NOS1AP: variants seen among roughly 807,000 people sequenced by gnomAD.
The protein encoded by NOS1AP is nitric oxide synthase 1 adaptor protein.
Under a neutral mutation model 56.2 loss-of-function variants are expected in NOS1AP, and 21 were observed. The observed-to-expected ratio is 0.37, with a 90% confidence interval of 0.26 to 0.54. The LOEUF (loss-of-function observed/expected upper bound fraction) is 0.54, where lower values mean the gene tolerates loss of function less well. NOS1AP is among the 20% of genes least tolerant of loss of function. The pLI, the probability that NOS1AP is intolerant of heterozygous loss-of-function variation, is 0.84. For missense variants in NOS1AP, 522 were observed against 657.8 expected (o/e 0.79, Z 2.26); for synonymous variants, 270 against 274.6 (o/e 0.98, Z 0.17).
At position 162,116,994 on chromosome 1, in the gene NOS1AP, A is replaced by C. The variant is rs1647986521; in HGVS notation, c.106-37411A>C. ...GAGACAGCCTTTGTTCCATTGTCCG[A>C]ATCAAAATCAAATTCATTTCATTTC... On this transcript the variant is annotated intron_variant, in intron 1 of 9. Transcript: ENST00000361897. Among the ~76,000 whole-genome samples the C allele has an allele frequency of 2.6e-5, 4 of 152,212 alleles. No homozygotes were observed. The South Asian group carries it at 8.3e-4, about 32-fold the overall frequency.
chr1:162,312,410 G>A (rs1196099216), intron 4 of NOS1AP, among the ~76,000 whole-genome samples: 3 of 127,296 alleles, frequency 2.4e-5, no homozygotes, highest in Admixed American at 8.2e-5. Flanking sequence ...CATGTCCTTC[G>A]CCCACTTTTT....
intron 2 of NOS1AP, among the ~76,000 whole-genome samples, chr1:162,216,115 GTCA>G (rs1296079150): frequency 6.6e-6 from 1 of 152,116 alleles, no homozygotes; most frequent in Non-Finnish European, 1.5e-5. Context: ...TCTCCTCCCT[GTCA>G]TCAGTCTTCT....
At chr1:162,223,721 G>C (rs558652318) in intron 2 of NOS1AP, among the ~76,000 whole-genome samples, 4 of 152,138 alleles carry the variant, frequency 2.6e-5, no homozygotes, top group African/African-American at 4.8e-5. Context: ...TGTAGGTAGA[G>C]GATATAGGAA....
chr1:162,100,975 A>G (rs1647237736), intron 1 of NOS1AP, among the ~76,000 whole-genome samples: 1 of 152,064 alleles, frequency 6.6e-6, no homozygotes, highest in Non-Finnish European at 1.5e-5. Context: ...CTTCTGTTGC[A>G]ATTGCTTTTG....
At chr1:162,162,870 ATGT>A (rs1191312910) in intron 2 of NOS1AP, among the ~76,000 whole-genome samples, 2 of 152,216 alleles carry the variant, frequency 1.3e-5, no homozygotes, top group Non-Finnish European at 2.9e-5. Flanking sequence ...TATATTCTTA[ATGT>A]TGTATAATCA....
At chr1:162,201,062 C>G (rs1160914075) in intron 2 of NOS1AP, among the ~76,000 whole-genome samples, 1 of 152,214 alleles carries the variant, frequency 6.6e-6, no homozygotes, top group Non-Finnish European at 1.5e-5. Context: ...TCCTCCCACT[C>G]TCTGCCCTCT....
chr1:162,347,002 GAGAT>G (rs1657316777), intron 6 of NOS1AP, among the ~76,000 whole-genome samples: 1 of 152,160 alleles, frequency 6.6e-6, no homozygotes, highest in Non-Finnish European at 1.5e-5. Context: ...ATAAAACAGA[GAGAT>G]AGATAGACTT....
intron 1 of NOS1AP, among the ~76,000 whole-genome samples, chr1:162,126,256 G>A (rs1648483440): frequency 6.6e-6 from 1 of 152,084 alleles, no homozygotes; most frequent in Non-Finnish European, 1.5e-5. Context: ...TTTCCAATTT[G>A]GGTGCCCTTT....
At chr1:162,351,457 G>A (rs1443574789) in intron 6 of NOS1AP, among the ~76,000 whole-genome samples, 1 of 152,086 alleles carries the variant, frequency 6.6e-6, no homozygotes, top group Non-Finnish European at 1.5e-5. Context: ...TGATCCCCAA[G>A]CTCAGCCAGG....
At chr1:162,290,240 A>T (rs1655245042) in intron 3 of NOS1AP, among the ~76,000 whole-genome samples, 1 of 152,194 alleles carries the variant, frequency 6.6e-6, no homozygotes, top group Non-Finnish European at 1.5e-5. Flanking sequence ...GGGAAAAGGG[A>T]GCTGCCCATC....
At chr1:162,189,060 AAAAT>A (rs143439441) in intron 2 of NOS1AP, among the ~76,000 whole-genome samples, 5,340 of 152,208 alleles carry the variant, frequency 0.035, 134 homozygotes, top group Non-Finnish European at 0.049. Flanking sequence ...TCATCTTGAA[AAAAT>A]AAATAAATAA....
intron 4 of NOS1AP, among the ~76,000 whole-genome samples, chr1:162,304,848 TATC>T (rs548032463): frequency 0.012 from 1,823 of 152,010 alleles, 38 homozygotes; most frequent in Non-Finnish European, 0.016. Flanking sequence ...TGGTCCATTT[TATC>T]ATGAACAAGG....
At chr1:162,217,266 G>GTTTTTTTTTTT (rs1557836281) in intron 2 of NOS1AP, among the ~76,000 whole-genome samples, 1 of 18,290 alleles carries the variant, frequency 5.5e-5, no homozygotes, top group African/African-American at 1.5e-4. Flanking sequence ...GCTGTTGTTA[G>GTTTTTTTTTTT]CTTTTTTTTT....
chr1:162,081,796 T>G, intron 1 of NOS1AP, among the ~76,000 whole-genome samples: 2 of 139,806 alleles, frequency 1.4e-5, no homozygotes, highest in Non-Finnish European at 3.1e-5. Flanking sequence ...TAGAGATGGG[T>G]TTTCACCATG....
At chr1:162,318,935 C>G (rs555142543) in intron 4 of NOS1AP, among the ~76,000 whole-genome samples, 2 of 152,278 alleles carry the variant, frequency 1.3e-5, no homozygotes, top group East Asian at 3.9e-4. Context: ...TCATATCCTT[C>G]CCTCTCATTA....
intron 2 of NOS1AP, among the ~76,000 whole-genome samples, chr1:162,179,998 A>G (rs1342433253): frequency 1.3e-5 from 2 of 152,182 alleles, no homozygotes; most frequent in Admixed American, 6.5e-5. Flanking sequence ...AACTGGAGCC[A>G]TGACAGTGGG....
At chr1:162,355,438 T>A (rs1221119891) in intron 7 of NOS1AP, 85 bp downstream of exon 7, 2 of 1,554,364 alleles carry the variant, frequency 1.3e-6, no homozygotes, top group Non-Finnish European at 1.8e-6. Flanking sequence ...CCAGCTCAGC[T>A]TCCGAGTGAG....
intron 2 of NOS1AP, among the ~76,000 whole-genome samples, chr1:162,252,673 A>T (rs186362661): frequency 6.6e-6 from 1 of 152,232 alleles, no homozygotes; most frequent in Non-Finnish European, 1.5e-5. Flanking sequence ...TGGTTTCTTT[A>T]ACTCTTTGGG....
intron 3 of NOS1AP, among the ~76,000 whole-genome samples, chr1:162,293,699 G>A (rs1181967275): frequency 2.0e-5 from 3 of 152,194 alleles, no homozygotes; most frequent in Non-Finnish European, 4.4e-5. Context: ...TCTGTGGAAA[G>A]CAAAGAACTT....
Sources: gnomAD v4.1 joint callset for allele counts (sites outside exome capture counted in the v4.1 genomes callset) on GRCh38, gnomAD v4.1.1 for gene constraint, MANE v1.5 for transcripts, NCBI Gene and HGNC (gene_info 2026-07-23, HGNC 2026-07-21) for gene names.